Variants in NEK11 observed in about 807,000 individuals in gnomAD.
NEK11 encodes the protein NIMA related kinase 11.
A neutral mutation model predicts 80.7 loss-of-function variants in NEK11; 72 were observed. The observed-to-expected ratio is 0.89, with a 90% CI of 0.74 to 1.08. NEK11 has a LOEUF of 1.08. Ranked by LOEUF, NEK11 falls within the 50% of genes least tolerant of loss-of-function variation. The pLI, the probability that NEK11 is intolerant of heterozygous loss-of-function variation, is 0.00. For missense variants in NEK11, 764 were observed against 763.6 expected, an observed-to-expected ratio of 1.00 and a Z score of -0.01; for synonymous variants, 251 against 260.7, an observed-to-expected ratio of 0.96 and a Z score of 0.36.
intron 14 of NEK11, among the ~76,000 whole-genome samples, chr3:131,215,265 G>A (rs2094785597): frequency 7.8e-6 from 1 of 127,896 alleles, no homozygotes; most frequent in Non-Finnish European, 1.6e-5. Context: ...ACACACCGGG[G>A]CCTGTTGTGG....
chr3:131,270,304 C>G (rs2096155926), intron 16 of NEK11, among the ~76,000 whole-genome samples: 1 of 152,206 alleles, frequency 6.6e-6, no homozygotes, highest in Non-Finnish European at 1.5e-5. Flanking sequence ...CTGTCTAGAG[C>G]CTTACTACTC....
chr3:131,194,205 A>G (rs1323199924), intron 14 of NEK11, among the ~76,000 whole-genome samples: 2 of 152,226 alleles, frequency 1.3e-5, no homozygotes, highest in African/African-American at 4.8e-5. Flanking sequence ...ATATTCTTAA[A>G]TGAATGTATT....
intron 3 of NEK11, among the ~76,000 whole-genome samples, chr3:131,039,541 G>A (rs574900085): frequency 6.6e-5 from 10 of 152,144 alleles, no homozygotes; most frequent in Non-Finnish European, 1.3e-4. Flanking sequence ...GGAGGCATCT[G>A]TTTTACTCAG....
At chr3:131,235,652 C>T (rs916284938) in intron 15 of NEK11, among the ~76,000 whole-genome samples, 25 of 152,120 alleles carry the variant, frequency 1.6e-4, no homozygotes, top group Non-Finnish European at 1.0e-4. Flanking sequence ...GACAGAGCTA[C>T]CTTGCAGCAT....
chr3:131,173,153 G>T (rs56161643), intron 14 of NEK11, among the ~76,000 whole-genome samples: 32,715 of 152,082 alleles, frequency 0.22, 3,903 homozygotes, highest in African/African-American at 0.33. Context: ...AGCAGCTCAT[G>T]CCACTGCTCT....
At position 131,288,438 on chromosome 3, in the gene NEK11, A is replaced by ATTTCTTTCTTTCTTTC. The variant is rs144767629; in HGVS notation, c.1718+14879_1718+14880insCTTTCTTTCTTTCTTT. Among the ~76,000 whole-genome samples the ATTTCTTTCTTTCTTTC allele has an allele frequency of 2.6e-3, 269 of 102,156 alleles. 9 individuals carry two copies. The highest frequency in any genetic ancestry group is 0.02 in the East Asian group (72 of 3,560). 67.0% of individuals were successfully genotyped at this position (102,156 alleles called of 152,430 possible). A position where few individuals can be genotyped will look rare whatever the true frequency, so the allele number is the denominator to read the frequency against. On this transcript the variant is annotated intron_variant, in intron 17 of 17. Transcript: ENST00000383366. Reference sequence around the variant, plus strand: ...TGTCTTCGAAGATTATATGGTATGCATTTCTTTCTTTCTTTTTTTTTTTTT... The same window carrying ATTTCTTTCTTTCTTTC: ...TGTCTTCGAAGATTATATGGTATGCATTTCTTTCTTTCTTTCTTTCTTTCTTTCTTTTTTTTTTTTT...
chr3:131,054,986 T>C (rs1352720236), intron 3 of NEK11, among the ~76,000 whole-genome samples: 1 of 152,102 alleles, frequency 6.6e-6, no homozygotes, highest in African/African-American at 2.4e-5. Flanking sequence ...TCACCTTTCT[T>C]TCCAGATGTA....
chr3:131,343,682 A>G (rs1388404089), intron 17 of NEK11, among the ~76,000 whole-genome samples: 1 of 152,196 alleles, frequency 6.6e-6, no homozygotes, highest in Non-Finnish European at 1.5e-5. Context: ...TGCAGGCTTA[A>G]CACCATGTAG....
chr3:131,058,492 G>T (rs1280805329), intron 3 of NEK11, among the ~76,000 whole-genome samples: 3 of 152,146 alleles, frequency 2.0e-5, no homozygotes, highest in African/African-American at 7.2e-5. Context: ...ACCAGCCCCA[G>T]ATTAGAGTTG....
chr3:131,184,081 A>G (rs1464376667), intron 14 of NEK11, among the ~76,000 whole-genome samples: 1 of 152,160 alleles, frequency 6.6e-6, no homozygotes, highest in African/African-American at 2.4e-5. Context: ...TCATATTCCT[A>G]TAATCATTGC....
intron 14 of NEK11, among the ~76,000 whole-genome samples, chr3:131,173,754 G>C (rs907130410): frequency 3.9e-5 from 6 of 151,962 alleles, no homozygotes; most frequent in African/African-American, 1.5e-4. Context: ...CTTGACCACA[G>C]GTTCCAGCTA....
chr3:131,119,773 T>C (rs1368493201), intron 5 of NEK11, among the ~76,000 whole-genome samples: 2 of 152,010 alleles, frequency 1.3e-5, no homozygotes, highest in Non-Finnish European at 2.9e-5. Context: ...TTCTGTTTTA[T>C]CAGAGACTAG....
intron 17 of NEK11, among the ~76,000 whole-genome samples, chr3:131,348,460 G>A (rs531353160): frequency 2.6e-5 from 4 of 152,078 alleles, no homozygotes; most frequent in South Asian, 2.1e-4. Context: ...TAAAAGATAG[G>A]GGAGGTAGGT....
At chr3:131,281,465 C>T (rs979325742) in intron 17 of NEK11, among the ~76,000 whole-genome samples, 1 of 152,140 alleles carries the variant, frequency 6.6e-6, no homozygotes, top group African/African-American at 2.4e-5. Context: ...CCAAGTTCTC[C>T]TCTGTGTAGA....
intron 3 of NEK11, among the ~76,000 whole-genome samples, chr3:131,044,369 A>G (rs2067009713): frequency 6.6e-6 from 1 of 150,776 alleles, no homozygotes; most frequent in Admixed American, 6.6e-5. Flanking sequence ...GTGCAAAGAC[A>G]AACATAGGCT....
chr3:131,189,578 G>A (rs1010530615), intron 14 of NEK11, among the ~76,000 whole-genome samples: 3 of 152,112 alleles, frequency 2.0e-5, no homozygotes, highest in Non-Finnish European at 4.4e-5. Flanking sequence ...TGGTGATTAC[G>A]TTTCAACATA....
At chr3:131,042,959 C>T (rs373899243) in intron 3 of NEK11, among the ~76,000 whole-genome samples, 3 of 152,168 alleles carry the variant, frequency 2.0e-5, no homozygotes, top group African/African-American at 7.2e-5. Flanking sequence ...GCTGGTGATA[C>T]CCAGGCAAAC....
chr3:131,044,798 C>T (rs1465637841), intron 3 of NEK11, among the ~76,000 whole-genome samples: 1 of 152,110 alleles, frequency 6.6e-6, no homozygotes, highest in Admixed American at 6.5e-5. Flanking sequence ...GAACTCTTCA[C>T]CCCAAATCAA....
At chr3:131,208,901 C>T (rs1437969236) in intron 14 of NEK11, among the ~76,000 whole-genome samples, 1 of 152,172 alleles carries the variant, frequency 6.6e-6, no homozygotes, top group Non-Finnish European at 1.5e-5. Flanking sequence ...ACAATCATGT[C>T]GTCTGCAAAC....
Sources: gnomAD v4.1 joint callset for allele counts (sites outside exome capture counted in the v4.1 genomes callset) on GRCh38, gnomAD v4.1.1 for gene constraint, MANE v1.5 for transcripts, NCBI Gene and HGNC (gene_info 2026-07-23, HGNC 2026-07-21) for gene names.